The following ACER3 variants were observed in gnomAD, a reference collection of about 807,000 sequenced individuals.
The protein encoded by ACER3 is alkaline ceramidase 3.
A neutral mutation model predicts 48.9 loss-of-function variants in ACER3; 16 were observed. The ratio of observed to expected loss-of-function variants is 0.33; its 90% CI spans 0.22 to 0.50. The LOEUF is 0.50. Ranked by LOEUF, ACER3 falls within the 20% of genes least tolerant of loss-of-function variation. ACER3 has a pLI of 0.98. For synonymous variants in ACER3, 109 were observed against 107.8 expected, an observed-to-expected ratio of 1.01 and a Z score of -0.07; for missense variants, 227 against 326.0, an observed-to-expected ratio of 0.70 and a Z score of 2.34.
intron 1 of ACER3, among the ~76,000 whole-genome samples, chr11:76,882,779 G>A (rs938000452): frequency 2.6e-5 from 4 of 152,104 alleles, no homozygotes; most frequent in African/African-American, 9.7e-5. Context: ...GTTTTAACTG[G>A]CATTTAGTTA....
chr11:76,999,513 A>G (rs1555019368), intron 7 of ACER3, among the ~76,000 whole-genome samples: 1 of 152,114 alleles, frequency 6.6e-6, no homozygotes, highest in African/African-American at 2.4e-5. Context: ...CTATATTACA[A>G]TATCAAAACC....
chr11:76,889,356 A>C (rs145918810), intron 1 of ACER3, among the ~76,000 whole-genome samples: 130 of 152,086 alleles, frequency 8.5e-4, no homozygotes, highest in African/African-American at 2.9e-3. Flanking sequence ...TTATGTGTTA[A>C]ATTTTTACAA....
At chr11:77,005,529 G>A (rs1392393936) in intron 7 of ACER3, among the ~76,000 whole-genome samples, 2 of 152,078 alleles carry the variant, frequency 1.3e-5, no homozygotes, top group African/African-American at 2.4e-5. Context: ...CAGTTCTAGA[G>A]GCTAGAAGTC....
At chr11:76,887,109 A>T (rs1945693163) in intron 1 of ACER3, among the ~76,000 whole-genome samples, 1 of 152,146 alleles carries the variant, frequency 6.6e-6, no homozygotes, top group African/African-American at 2.4e-5. Context: ...CTACAAAAAA[A>T]ATACAAAAAT....
intron 3 of ACER3, among the ~76,000 whole-genome samples, chr11:76,970,420 T>G (rs1181283421): frequency 6.6e-6 from 1 of 152,194 alleles, no homozygotes; most frequent in Non-Finnish European, 1.5e-5. Flanking sequence ...TGAAGGACAT[T>G]ATACAAAACA....
intron 6 of ACER3, among the ~76,000 whole-genome samples, chr11:76,992,901 C>T (rs978015356): frequency 1.3e-5 from 2 of 151,958 alleles, no homozygotes; most frequent in Non-Finnish European, 2.9e-5. Flanking sequence ...TAGAGCCTCG[C>T]CCTGTCACCC....
chr11:76,906,703 CT>C (rs983512697), intron 1 of ACER3, among the ~76,000 whole-genome samples: 11 of 151,968 alleles, frequency 7.2e-5, no homozygotes, highest in African/African-American at 2.2e-4. Context: ...TACACTTTGA[CT>C]TTTTTTTGTA....
intron 7 of ACER3, among the ~76,000 whole-genome samples, chr11:77,008,210 A>G (rs1314313254): frequency 6.6e-6 from 1 of 152,144 alleles, no homozygotes; most frequent in Non-Finnish European, 1.5e-5. Context: ...CAGCAGTTTT[A>G]GTTTTACTTA....
intron 3 of ACER3, among the ~76,000 whole-genome samples, chr11:76,973,167 G>A (rs955364306): frequency 4.6e-5 from 7 of 152,206 alleles, no homozygotes; most frequent in Non-Finnish European, 8.8e-5. Context: ...GGCAGGCAAC[G>A]GATTCCCCTG....
At chr11:76,989,519 G>A (rs1948755411) in intron 5 of ACER3, among the ~76,000 whole-genome samples, 1 of 152,096 alleles carries the variant, frequency 6.6e-6, no homozygotes, top group Non-Finnish European at 1.5e-5. Flanking sequence ...TCAAGAAGGA[G>A]GTATAGTTTG....
intron 1 of ACER3, among the ~76,000 whole-genome samples, chr11:76,923,541 C>T (rs1309541388): frequency 6.6e-6 from 1 of 152,154 alleles, no homozygotes; most frequent in African/African-American, 2.4e-5. Flanking sequence ...TGATTGAATA[C>T]CTGACATCGT....
intron 6 of ACER3, 36 bp downstream of exon 6, chr11:76,990,610 T>C: frequency 1.5e-6 from 2 of 1,315,930 alleles, no homozygotes; most frequent in Non-Finnish European, 2.2e-6. Context: ...TTAGATTGTT[T>C]ACGATACATG....
At chr11:76,904,424 C>T (rs1196948308) in intron 1 of ACER3, among the ~76,000 whole-genome samples, 1 of 152,092 alleles carries the variant, frequency 6.6e-6, no homozygotes, top group Admixed American at 6.6e-5. Context: ...CTCCCTGCCA[C>T]CCCCCATAAA....
intron 1 of ACER3, among the ~76,000 whole-genome samples, chr11:76,909,363 A>T (rs1946311635): frequency 6.6e-6 from 1 of 152,206 alleles, no homozygotes; most frequent in Non-Finnish European, 1.5e-5. Flanking sequence ...AAATTTTTGC[A>T]ATCTATCCAT....
intron 1 of ACER3, among the ~76,000 whole-genome samples, chr11:76,876,415 T>G (rs894829532): frequency 2.6e-5 from 4 of 152,246 alleles, no homozygotes; most frequent in African/African-American, 9.6e-5. Flanking sequence ...TGTGGTAGGA[T>G]TCCACTGTAT....
intron 1 of ACER3, among the ~76,000 whole-genome samples, chr11:76,871,686 C>T (rs780526622): frequency 7.2e-5 from 11 of 152,134 alleles, no homozygotes; most frequent in Non-Finnish European, 1.3e-4. Flanking sequence ...CTATTCAGAC[C>T]TCTAAAAGAT....
At chr11:76,929,461 C>A (rs536494826) in intron 2 of ACER3, among the ~76,000 whole-genome samples, 1 of 152,222 alleles carries the variant, frequency 6.6e-6, no homozygotes, top group Non-Finnish European at 1.5e-5. Context: ...ATTTCTTTCT[C>A]CTGCCTGATT....
At chr11:76,991,411 A>G (rs544731712) in intron 6 of ACER3, among the ~76,000 whole-genome samples, 44 of 152,242 alleles carry the variant, frequency 2.9e-4, no homozygotes, top group Non-Finnish European at 5.1e-4. Flanking sequence ...CTATACAATA[A>G]TCATCTAACT....
chr11:76,862,444 A>G (rs112603755), intron 1 of ACER3, among the ~76,000 whole-genome samples: 1 of 152,196 alleles, frequency 6.6e-6, no homozygotes, highest in African/African-American at 2.4e-5. Flanking sequence ...TTTGTAATAC[A>G]ATTACTTGGG....
Sources: allele counts gnomAD v4.1 joint callset (sites outside exome capture counted in the v4.1 genomes callset), GRCh38; gene constraint gnomAD v4.1.1; transcripts MANE v1.5; gene names NCBI Gene and HGNC (gene_info 2026-07-23, HGNC 2026-07-21).